Variants in ASS1 observed in about 807,000 individuals in gnomAD.
ASS1 encodes argininosuccinate synthase 1.
In ASS1, 58 loss-of-function variants were observed where a neutral mutation model predicts 60.5. That is an observed-to-expected ratio of 0.96 (90% confidence interval 0.78 to 1.19). ASS1 has a LOEUF of 1.19. Among genes scored for constraint, ASS1 ranks in the 50% most tolerant of loss-of-function variants. The pLI is 0.00. For missense variants in ASS1, 454 were observed against 547.3 expected (o/e 0.83, Z 1.70); for synonymous variants, 200 against 206.9 (o/e 0.97, Z 0.29).
At chr9:130,493,610 C>T (rs1181348222) in intron 12 of ASS1, among the ~76,000 whole-genome samples, 6 of 152,208 alleles carry the variant, frequency 3.9e-5, no homozygotes, top group African/African-American at 1.2e-4. Context: ...CCACAATAGC[C>T]GCAGCCCCTG....
intron 13 of ASS1, among the ~76,000 whole-genome samples, chr9:130,495,496 CACACAT>C (rs1425116470): frequency 2.6e-5 from 4 of 151,182 alleles, no homozygotes; most frequent in Non-Finnish European, 5.9e-5. Flanking sequence ...CACACACACA[CACACAT>C]ATATATATAA....
In ASS1 at chr9:130,470,689, C is replaced by T. The variant is rs550887294; in HGVS notation, c.496-145C>T. On this transcript the variant is annotated intron_variant, in intron 6 of 14. Transcript: ENST00000352480. This position sits in a 1 kb window ranked among gnomAD's most constrained non-coding sequence, Gnocchi z 4.3. ...CAATAGGGTCCCCCCAGGGAGGTGA[C>T]CGTGACCAACACTAGGAGGTAGCCA... The T allele has an allele frequency of 1.1e-4, 93 of 827,326 alleles. No individual in the cohort carries two copies. In the Middle Eastern group the frequency reaches 3.5e-3, roughly 31 times the overall value. The allele number at this position is 827,326 out of a possible 1,614,324, so 51.2% of individuals were successfully genotyped here. A position where few individuals can be genotyped will look rare whatever the true frequency, so the allele number is the denominator to read the frequency against.
intron 12 of ASS1, among the ~76,000 whole-genome samples, chr9:130,493,561 C>T (rs1048891990): frequency 5.3e-5 from 8 of 152,192 alleles, no homozygotes; most frequent in African/African-American, 7.2e-5. Flanking sequence ...CCCTTTCCCA[C>T]GGAGGACCTC....
At chr9:130,493,378 TCA>T (rs1846498974) in intron 12 of ASS1, among the ~76,000 whole-genome samples, 1 of 152,228 alleles carries the variant, frequency 6.6e-6, no homozygotes, top group South Asian at 2.1e-4. Flanking sequence ...CAATGTTTTC[TCA>T]CTGTGCAAAT....
intron 14 of ASS1, 150 bp from the exon 15 acceptor site, chr9:130,500,826 G>C (rs1588514273): frequency 1.4e-6 from 1 of 727,742 alleles, no homozygotes; most frequent in Admixed American, 2.1e-5. Context: ...GAGGGGCCAG[G>C]GCGGGAGAGG....
At chr9:130,463,352 G>A (rs922326874) in intron 4 of ASS1, among the ~76,000 whole-genome samples, 2 of 152,116 alleles carry the variant, frequency 1.3e-5, no homozygotes, top group African/African-American at 4.8e-5. Flanking sequence ...CAGTGTGGAC[G>A]GTGGTCCCGG....
intron 3 of ASS1, 108 bp from the exon 4 acceptor site, chr9:130,458,293 C>CG (rs1159399746): frequency 1.8e-5 from 23 of 1,250,520 alleles, no homozygotes; most frequent in Non-Finnish European, 2.6e-5. Context: ...CCAGGTACAG[C>CG]GGGGGTGGCC....
chr9:130,495,371 C>T (rs562249497), intron 13 of ASS1, among the ~76,000 whole-genome samples: 1 of 151,216 alleles, frequency 6.6e-6, no homozygotes, highest in Admixed American at 6.6e-5. Context: ...TTGCTTGAGC[C>T]CAGGAGTTCA....
intron 3 of ASS1, among the ~76,000 whole-genome samples, chr9:130,456,505 T>C (rs1227484081): frequency 6.6e-6 from 1 of 152,114 alleles, no homozygotes; most frequent in East Asian, 1.9e-4. Context: ...CAAAAACACA[T>C]TTATCCTAAT....
chr9:130,452,286 A>C lies in ASS1; in HGVS notation c.58A>C (p.Ile20Leu). ...CAGTGGCGGCCTGGACACCTCGTGC[A>C]TCCTCGTGTGGCTGAAGGAACAAGG... The part of the protein sequence containing the change: ...AYSGGLDTSC[I>L]LVWLKEQGYD... The change falls in exon 2 of 15, where the codon ATC becomes CTC. Residue 20 changes from isoleucine to leucine, a missense_variant. Transcript: ENST00000352480. 1 of 1,614,164 alleles carries C rather than the reference A, an allele frequency of 6.2e-7. No individual in the cohort carries two copies. The highest frequency in any genetic ancestry group is 8.5e-7 in the Non-Finnish European group (1 of 1,180,022).
Position 130,452,341 on chromosome 9 carries a change from A to G in ASS1, c.105+8A>G. ...GACGTCATTGCCTATCTGGTGAGGGAGCGACCTGGGTGTCTGTCTTCCTGC... is the reference window on the plus strand; with the variant it reads ...GACGTCATTGCCTATCTGGTGAGGGGGCGACCTGGGTGTCTGTCTTCCTGC... On this transcript the variant is annotated splice_region_variant and intron_variant, in intron 2 of 14. Coordinates refer to ENST00000352480, the MANE Select transcript of ASS1 (RefSeq NM_054012.4). 6.2e-7 allele frequency: 1 copy of G among 1,611,896 alleles called. No homozygotes were observed. Among genetic ancestry groups the G allele is most frequent in the East Asian group, 2.2e-5 (1 of 44,850 alleles).
intron 13 of ASS1, among the ~76,000 whole-genome samples, chr9:130,497,482 G>A (rs1317682273): frequency 1.5e-5 from 2 of 135,926 alleles, no homozygotes; most frequent in Non-Finnish European, 3.4e-5. Context: ...AGACCGTCAG[G>A]GGAGGTAAAA....
intron 8 of ASS1, among the ~76,000 whole-genome samples, chr9:130,473,678 G>A (rs1234883916): frequency 6.6e-6 from 1 of 152,146 alleles, no homozygotes. Flanking sequence ...TGGGGAACCC[G>A]TGCCCCTCCC....
intron 13 of ASS1, among the ~76,000 whole-genome samples, chr9:130,495,470 T>TACACACACACACAC (rs777921061): frequency 2.2e-3 from 289 of 130,560 alleles, no homozygotes; most frequent in South Asian, 6.2e-3. Flanking sequence ...TACACATACA[T>TACACACACACACAC]ATACACACAC....
chr9:130,477,594 C>T lies in ASS1; in HGVS notation c.688+633C>T, dbSNP rs1846052595. ...GCGTTTGCTGACCTGGCCTGAGTGC[C>T]TGGGTGCCTGAGCTTGGGAGAGGGC... On this transcript the variant is annotated intron_variant, in intron 9 of 14. Coordinates refer to ENST00000352480, the MANE Select transcript of ASS1 (RefSeq NM_054012.4). The surrounding 1 kb of genome is among the most constrained non-coding windows in gnomAD (Gnocchi z 4.2). Among the ~76,000 whole-genome samples the T allele has an allele frequency of 6.6e-6, 1 of 152,214 alleles. No homozygotes were observed. Among genetic ancestry groups the T allele is most frequent in the Non-Finnish European group, 1.5e-5 (1 of 68,032 alleles).
intron 3 of ASS1, among the ~76,000 whole-genome samples, chr9:130,454,874 TCCAC>T (rs1845406061): frequency 1.4e-5 from 2 of 146,500 alleles, no homozygotes; most frequent in African/African-American, 5.1e-5. Context: ...CCATCATCCA[TCCAC>T]CCATCCATCC....
chr9:130,452,422 C>T lies in ASS1; in HGVS notation c.105+89C>T, dbSNP rs1588471339. ...GCCAGCCTCTGTCTGGGTTGTCAGC[C>T]TGTCTGCTCACCGTCACTCATTCAA... On this transcript the variant is annotated intron_variant, in intron 2 of 14. Transcript: ENST00000352480. The T allele has an allele frequency of 4.3e-6, 5 of 1,161,842 alleles. No homozygotes were observed. In the East Asian group the frequency reaches 1.2e-4, roughly 28 times the overall value. The allele number at this position is 1,161,842 out of a possible 1,614,324, so 72.0% of individuals were successfully genotyped here.
intron 2 of ASS1, among the ~76,000 whole-genome samples, chr9:130,453,846 C>T (rs1588472149): frequency 6.6e-6 from 1 of 152,238 alleles, no homozygotes; most frequent in East Asian, 1.9e-4. Flanking sequence ...GCTTCTCTGC[C>T]TCCCGCCTCT....
intron 14 of ASS1, among the ~76,000 whole-genome samples, 191 bp from the exon 15 acceptor site, chr9:130,500,781 GATAA>G (rs1210134272): frequency 6.6e-6 from 1 of 152,056 alleles, no homozygotes; most frequent in East Asian, 1.9e-4. Context: ...TTCCCCCTAA[GATAA>G]ATTAATTACA....
Sources: allele counts gnomAD v4.1 joint callset (sites outside exome capture counted in the v4.1 genomes callset), GRCh38; gene constraint gnomAD v4.1.1; non-coding constraint Gnocchi (gnomAD v3.1); transcripts MANE v1.5; gene names NCBI Gene and HGNC (gene_info 2026-07-23, HGNC 2026-07-21).